CRACDL: variants seen among roughly 807,000 people sequenced by gnomAD.
CRACDL encodes CRACD like.
Under a neutral mutation model 70.6 loss-of-function variants are expected in CRACDL, and 26 were observed. The observed-to-expected ratio is 0.37, with a 90% confidence interval of 0.27 to 0.51. The LOEUF is 0.51. Ranked by LOEUF, CRACDL falls within the 20% of genes least tolerant of loss-of-function variation. The pLI, the probability that CRACDL is intolerant of heterozygous loss-of-function variation, is 0.94. For missense variants in CRACDL, 1,283 were observed against 1,376.9 expected, an observed-to-expected ratio of 0.93 and a Z score of 1.08; for synonymous variants, 618 against 615.2, an observed-to-expected ratio of 1.00 and a Z score of -0.07.
At chr2:98,899,035 G>A (rs995911142) in intron 1 of CRACDL, among the ~76,000 whole-genome samples, 2 of 152,070 alleles carry the variant, frequency 1.3e-5, no homozygotes, top group Non-Finnish European at 2.9e-5. Context: ...AAGTCAAGAC[G>A]CCAGCAACAC....
chr2:98,929,332 G>A (rs1709013326), intron 1 of CRACDL, among the ~76,000 whole-genome samples: 2 of 152,204 alleles, frequency 1.3e-5, no homozygotes, highest in South Asian at 4.1e-4. Context: ...TGGACCTGGT[G>A]TGGCCCCTGT....
At chr2:98,846,913 A>G in intron 1 of CRACDL, 103 bp from the exon 2 acceptor site, 1 of 920,794 alleles carries the variant, frequency 1.1e-6, no homozygotes, top group South Asian at 1.4e-5. Context: ...TGGCCTGCAC[A>G]CACCCCAGCA....
chr2:98,822,336 C>A lies in CRACDL; in HGVS notation c.1937G>T (p.Ser646Ile). Residue 646 changes from serine to isoleucine, a missense_variant, in exon 7 of 10, where the codon AGC (serine) becomes ATC (isoleucine). By Grantham distance (142) the Ser-to-Ile change is moderately radical. Around this residue, in one of 2 missense-constraint regions of CRACDL, gnomAD observed 921 missense variants for 881.9 expected, o/e 1.04. Transcript: ENST00000397899. This position sits in a 1 kb window ranked among gnomAD's most constrained non-coding sequence, Gnocchi z 4.9. ...GPQDSGDRAA[S>I]PAGPRKSPQE... The stretch of plus-strand genomic sequence containing the variant: ...AGGGCTCTTGCGCGGCCCGGCCGGG[C>A]TGGCCGCCCTGTCCCCCGAGTCCTG... The A allele has an allele frequency of 6.9e-7, 1 of 1,456,252 alleles. No individual in the cohort carries two copies. Among genetic ancestry groups the A allele is most frequent in the South Asian group, 1.4e-5 (1 of 72,592 alleles). 90.2% of individuals were successfully genotyped at this position (1,456,252 alleles called of 1,614,324 possible). A position where few individuals can be genotyped will look rare whatever the true frequency, so the allele number is the denominator to read the frequency against.
At chr2:98,848,312 A>G (rs1360959533) in intron 1 of CRACDL, among the ~76,000 whole-genome samples, 1 of 152,014 alleles carries the variant, frequency 6.6e-6, no homozygotes, top group Admixed American at 6.5e-5. Context: ...CCCCCCTGCA[A>G]TATGTTAGTC....
chr2:98,846,325 T>C (rs1473894249), intron 2 of CRACDL, among the ~76,000 whole-genome samples: 2 of 152,162 alleles, frequency 1.3e-5, no homozygotes, highest in Non-Finnish European at 2.9e-5. Flanking sequence ...GGCTCTCTCC[T>C]GATGTAATTA....
intron 1 of CRACDL, among the ~76,000 whole-genome samples, chr2:98,918,941 C>T (rs889007789): frequency 6.6e-6 from 1 of 152,066 alleles, no homozygotes; most frequent in African/African-American, 2.4e-5. Flanking sequence ...TCATTTAAGT[C>T]TCATTTGTCT....
At chr2:98,836,256 T>C (rs926914604) in intron 3 of CRACDL, among the ~76,000 whole-genome samples, 4 of 152,220 alleles carry the variant, frequency 2.6e-5, no homozygotes, top group East Asian at 1.9e-4. Flanking sequence ...CTCGCACTAA[T>C]GTGCCTTAGT....
chr2:98,895,432 G>A (rs1341000743), intron 1 of CRACDL, among the ~76,000 whole-genome samples: 6 of 152,166 alleles, frequency 3.9e-5, no homozygotes, highest in East Asian at 3.9e-4. Context: ...AGACAAATAC[G>A]GTGCGTGGGA....
chr2:98,890,314 G>C (rs1339908260), intron 1 of CRACDL, among the ~76,000 whole-genome samples: 1 of 152,164 alleles, frequency 6.6e-6, no homozygotes, highest in Non-Finnish European at 1.5e-5. Context: ...AAGAATGAAA[G>C]AGGGGACATC....
rs546679462 is a variant in CRACDL at position 98,870,128 on chromosome 2, T to C, written c.-10-23318A>G. Among the ~76,000 whole-genome samples the C allele has an allele frequency of 4.6e-5, 7 of 152,284 alleles. No homozygotes were observed. The East Asian group carries it at 1.2e-3, about 25-fold the overall frequency. On this transcript the variant is annotated intron_variant, in intron 1 of 9. Transcript: ENST00000397899. ...GCATCACAATGCCACCTGACTCAAG[T>C]TCCTCCCAAGTCTGATGGCTTGCCA...
intron 1 of CRACDL, among the ~76,000 whole-genome samples, chr2:98,902,104 C>G (rs1257706394): frequency 5.9e-5 from 9 of 152,198 alleles, no homozygotes; most frequent in Admixed American, 5.9e-4. Context: ...GCTAGTGACT[C>G]TGACACTGAC....
At chr2:98,926,865 G>C (rs1443340387) in intron 1 of CRACDL, among the ~76,000 whole-genome samples, 1 of 152,206 alleles carries the variant, frequency 6.6e-6, no homozygotes. Context: ...GCCAGGAAAG[G>C]GGCAGAGAGA....
At position 98,854,973 on chromosome 2, in the gene CRACDL, T is replaced by C. The variant is rs748015417; in HGVS notation, c.-10-8163A>G. Reference sequence around the variant, plus strand: ...TCAACTTAAAGTTTGCTGATTTTGATCATTGTAACTATGATTATTAAAAAG... The same window carrying C: ...TCAACTTAAAGTTTGCTGATTTTGACCATTGTAACTATGATTATTAAAAAG... On this transcript the variant is annotated intron_variant, in intron 1 of 9. Coordinates refer to ENST00000397899, the MANE Select transcript of CRACDL (RefSeq NM_207362.3). 5.8e-4 allele frequency among the ~76,000 whole-genome samples: 89 copies of C among 152,242 alleles called. 1 individual carries two copies. Among genetic ancestry groups the C allele is most frequent in the Non-Finnish European group, 8.4e-4 (57 of 68,048 alleles).
chr2:98,867,145 T>C (rs1355036817), intron 1 of CRACDL, among the ~76,000 whole-genome samples: 1 of 152,188 alleles, frequency 6.6e-6, no homozygotes, highest in African/African-American at 2.4e-5. Context: ...GAAAATACCA[T>C]AGCTTCATTC....
In CRACDL at chr2:98,870,466, T is replaced by C. The variant is rs368921896; in HGVS notation, c.-10-23656A>G. Among the ~76,000 whole-genome samples, 17 of 151,926 alleles carry C rather than the reference T, an allele frequency of 1.1e-4. No homozygotes were observed. The East Asian group carries it at 1.5e-3, about 14-fold the overall frequency. ...CACGCAGTGCGCTGAAGGTAGTTTA[T>C]ATACATTTGCCCTTTGTGCAGCCCA... On this transcript the variant is annotated intron_variant, in intron 1 of 9. Transcript: ENST00000397899.
intron 2 of CRACDL, among the ~76,000 whole-genome samples, chr2:98,839,548 G>C (rs886720995): frequency 3.0e-4 from 46 of 152,154 alleles, no homozygotes; most frequent in African/African-American, 9.7e-4. Context: ...CATCAAAAAT[G>C]CTGCTTACAG....
rs1230338330 is a variant in CRACDL at position 98,823,229 on chromosome 2, G to A, written c.1044C>T (p.Pro348=). 1 of 1,410,626 alleles carries A rather than the reference G, an allele frequency of 7.1e-7. No individual in the cohort carries two copies. Among genetic ancestry groups the A allele is most frequent in the South Asian group, 1.5e-5 (1 of 65,854 alleles). 87.4% of individuals were successfully genotyped at this position (1,410,626 alleles called of 1,614,324 possible). Residue 348 remains proline, a synonymous_variant, in exon 7 of 10, where the codon CCC becomes CCT. Transcript: ENST00000397899. This position sits in a 1 kb window ranked among gnomAD's most constrained non-coding sequence, Gnocchi z 4.0. The part of the protein sequence containing the change: ...TPELAEPESA[P]TLRVEPPSPP... ...GGGACGGGGGCTCCACGCGGAGAGT[G>A]GGGGCCGACTCGGGCTCGGCGAGCT...
intron 1 of CRACDL, among the ~76,000 whole-genome samples, chr2:98,907,921 T>C (rs1214223642): frequency 6.6e-6 from 1 of 151,762 alleles, no homozygotes; most frequent in African/African-American, 2.4e-5. Context: ...GATGAGGGAG[T>C]ATTTCTTGAA....
chr2:98,897,406 C>A (rs1417833335), intron 1 of CRACDL: 1 of 1,303,774 alleles, frequency 7.7e-7, no homozygotes, highest in Non-Finnish European at 1.0e-6. Flanking sequence ...CCAAAGAAAT[C>A]ATCTCAGTCA....
Sources: allele counts gnomAD v4.1 joint callset (sites outside exome capture counted in the v4.1 genomes callset), GRCh38; gene constraint gnomAD v4.1.1; regional missense constraint gnomAD v4.1.1; non-coding constraint Gnocchi (gnomAD v3.1); transcripts MANE v1.5; gene names NCBI Gene and HGNC (gene_info 2026-07-23, HGNC 2026-07-21).